MYH11: variants seen among roughly 807,000 people sequenced by gnomAD.
MYH11 encodes the protein myosin heavy chain 11.
A neutral mutation model predicts 246.6 loss-of-function variants in MYH11; 80 were observed. The ratio of observed to expected loss-of-function variants is 0.32; its 90% CI spans 0.27 to 0.39. The LOEUF is 0.39. MYH11 is among the 10% of genes least tolerant of loss of function. The pLI is 1.00. For missense variants in MYH11, 2,158 were observed against 2,546.8 expected (o/e 0.85, Z 3.29); for synonymous variants, 1,071 against 1,015.5 (o/e 1.05, Z -1.04).
At chr16:15,742,629 T>G (rs28642104) in intron 20 of MYH11, among the ~76,000 whole-genome samples, 22,817 of 151,720 alleles carry the variant, frequency 0.15, 4,342 homozygotes, top group African/African-American at 0.45. Context: ...TAGTGAGGGG[T>G]CTGAGGCAGG....
At chr16:15,836,203 G>A (rs1035452752) in intron 2 of MYH11, among the ~76,000 whole-genome samples, 33 of 152,038 alleles carry the variant, frequency 2.2e-4, no homozygotes, top group African/African-American at 7.2e-4. Flanking sequence ...TCAGTCTGGC[G>A]ACCCGTGCCC....
At chr16:15,784,618 G>GT (rs1242200920) in intron 5 of MYH11, 8 of 1,500,138 alleles carry the variant, frequency 5.3e-6, no homozygotes, top group Non-Finnish European at 9.2e-7. Flanking sequence ...ACGGGACTCG[G>GT]TGGGTGCAAG....
intron 6 of MYH11, among the ~76,000 whole-genome samples, chr16:15,781,815 G>A (rs949249684): frequency 8.6e-5 from 13 of 151,938 alleles, no homozygotes; most frequent in African/African-American, 2.9e-4. Flanking sequence ...CTGAGTGCCT[G>A]GTATACAGTA....
intron 13 of MYH11, among the ~76,000 whole-genome samples, chr16:15,757,504 GTCATAAAAAAAAAAAAAAAAAAAAA>G (rs2041755746): frequency 3.6e-5 from 2 of 56,212 alleles, no homozygotes; most frequent in African/African-American, 1.9e-4. Flanking sequence ...GTCAGACCAT[GTCATAAAAAAAAAAAAAAAAAAAAA>G]AAAAGCAATG....
At chr16:15,710,688 G>T (rs866621149) in intron 40 of MYH11, among the ~76,000 whole-genome samples, 9 of 147,618 alleles carry the variant, frequency 6.1e-5, no homozygotes, top group Middle Eastern at 3.5e-3. Context: ...TTTGTTTTTT[G>T]TTTTTTTTTT....
At chr16:15,721,757 G>A (rs1442416853) in intron 31 of MYH11, 123 bp from the exon 32 acceptor site, 1 of 956,850 alleles carries the variant, frequency 1.0e-6, no homozygotes, top group African/African-American at 1.6e-5. Context: ...AAGCAGTGTA[G>A]GTTAGCTATG....
chr16:15,718,296 G>C lies in MYH11; in HGVS notation c.5295+19C>G, dbSNP rs1342948286. On this transcript the variant is annotated intron_variant, in intron 37 of 40. Transcript: ENST00000300036. ...AGAGACAGTAGGCAGCGTGACTGTGGTGTCCAGGCGGCCCTCACCTGCTGT... is the reference window on the plus strand; with the variant it reads ...AGAGACAGTAGGCAGCGTGACTGTGCTGTCCAGGCGGCCCTCACCTGCTGT... 3 of 1,607,652 alleles carry C rather than the reference G, an allele frequency of 1.9e-6. No individual in the cohort carries two copies. The highest frequency in any genetic ancestry group is 2.5e-6 in the Non-Finnish European group (3 of 1,179,956).
intron 5 of MYH11, chr16:15,786,141 T>G: frequency 3.0e-5 from 9 of 302,930 alleles, no homozygotes; most frequent in East Asian, 1.7e-4. Flanking sequence ...ATGAAAGGAG[T>G]GCTTCTCAAT....
chr16:15,723,618 C>T (rs1003963492), intron 31 of MYH11, among the ~76,000 whole-genome samples: 1 of 152,168 alleles, frequency 6.6e-6, no homozygotes, highest in Non-Finnish European at 1.5e-5. Context: ...TGCACTCCAG[C>T]CTGGGTGACA....
intron 3 of MYH11, among the ~76,000 whole-genome samples, chr16:15,803,696 G>C (rs1042062409): frequency 1.3e-5 from 2 of 152,184 alleles, no homozygotes; most frequent in African/African-American, 4.8e-5. Flanking sequence ...GGGCTGTGTT[G>C]ATCCACTACT....
intron 37 of MYH11, chr16:15,717,968 T>TG (rs2040254180): frequency 2.5e-6 from 1 of 395,472 alleles, no homozygotes. Context: ...TAGTGCTCAG[T>TG]GACATCACCA....
intron 3 of MYH11, among the ~76,000 whole-genome samples, chr16:15,802,131 C>T (rs1055007574): frequency 3.9e-5 from 6 of 152,130 alleles, no homozygotes; most frequent in Non-Finnish European, 7.3e-5. Flanking sequence ...GAAAAAGAGT[C>T]GGTATTGTTC....
Position 15,735,551 on chromosome 16 carries a change from GTTC to G in MYH11, c.3318_3320del (p.Lys1106del), listed in dbSNP as rs1375998013. On this transcript the variant is annotated inframe_deletion, in exon 26 of 41. Coordinates refer to ENST00000300036, the MANE Select transcript of MYH11 (RefSeq NM_002474.3). ...GCTCCCGGATCTTCTTCAGGGCATT[GTTC>G]TTCTGAGCGATTTCATCGTCAAGCC... The G allele has an allele frequency of 1.2e-6, 2 of 1,614,196 alleles. No homozygotes were observed. Among genetic ancestry groups the G allele is most frequent in the African/African-American group, 2.7e-5 (2 of 75,060 alleles).
intron 30 of MYH11, 42 bp downstream of exon 30, chr16:15,724,605 T>G: frequency 1.2e-6 from 2 of 1,612,718 alleles, no homozygotes; most frequent in South Asian, 1.1e-5. Flanking sequence ...CGCAGAGAAG[T>G]TGAGAGGACC....
intron 20 of MYH11, among the ~76,000 whole-genome samples, chr16:15,743,471 G>A (rs1268995387): frequency 6.6e-6 from 1 of 152,164 alleles, no homozygotes; most frequent in Non-Finnish European, 1.5e-5. Flanking sequence ...ACCTGGCTAA[G>A]ACGATTTTCT....
chr16:15,853,505 A>C (rs1322715016), intron 1 of MYH11, among the ~76,000 whole-genome samples: 3 of 151,990 alleles, frequency 2.0e-5, no homozygotes, highest in Non-Finnish European at 2.9e-5. Context: ...TAGCCCCTGA[A>C]ACCCTGATAC....
intron 1 of MYH11, among the ~76,000 whole-genome samples, chr16:15,843,699 CAA>C (rs35135287): frequency 3.7e-5 from 5 of 134,420 alleles, no homozygotes; most frequent in Non-Finnish European, 4.7e-5. Context: ...GACTCCGTCT[CAA>C]AAAAAAAAAA....
Position 15,724,269 on chromosome 16 carries a change from T to C in MYH11, c.4257A>G (p.Glu1419=), listed in dbSNP as rs2040633274. Reference sequence around the variant, plus strand: ...CCTGCTGAAGCCTGTTCTTGGTCTTTTCCAGTTTATCATAAGCGGCCGCCT... The same window carrying C: ...CCTGCTGAAGCCTGTTCTTGGTCTTCTCCAGTTTATCATAAGCGGCCGCCT... The part of the protein sequence containing the change: ...EEKAAAYDKL[E]KTKNRLQQEL... Residue 1419 remains glutamate (E), a synonymous_variant, in exon 31 of 41, where the codon GAA becomes GAG. Transcript: ENST00000300036. 1 of 1,614,068 alleles carries C rather than the reference T, an allele frequency of 6.2e-7. No homozygotes were observed. The highest frequency in any genetic ancestry group is 1.3e-5 in the African/African-American group (1 of 74,930).
At position 15,772,888 on chromosome 16, in the gene MYH11, C is replaced by T. The variant is rs144726072; in HGVS notation, c.890-1176G>A. Among the ~76,000 whole-genome samples the T allele has an allele frequency of 4.3e-3, 660 of 152,260 alleles. 2 individuals carry two copies. Among genetic ancestry groups the T allele is most frequent in the Middle Eastern group, 0.017 (5 of 294 alleles). On this transcript the variant is annotated intron_variant, in intron 8 of 40. Transcript: ENST00000300036. Reference sequence around the variant, plus strand: ...AGCTGCACATGTGCCCTCCTTATAACACTCTAATGCCTGATAATCTGTCAC... The same window carrying T: ...AGCTGCACATGTGCCCTCCTTATAATACTCTAATGCCTGATAATCTGTCAC...
Sources: allele counts gnomAD v4.1 joint callset (sites outside exome capture counted in the v4.1 genomes callset), GRCh38; gene constraint gnomAD v4.1.1; transcripts MANE v1.5; gene names NCBI Gene and HGNC (gene_info 2026-07-23, HGNC 2026-07-21).